RAB10: variants seen among roughly 807,000 people sequenced by gnomAD.
The protein encoded by RAB10 is RAB10, member RAS oncogene family, also known as ras-related protein Rab-10.
Under a neutral mutation model 25.7 loss-of-function variants are expected in RAB10, and 5 were observed. The ratio of observed to expected loss-of-function variants is 0.19; its 90% CI spans 0.10 to 0.41. RAB10 has a LOEUF of 0.41. Among genes scored for constraint, RAB10 ranks in the 10% least tolerant of loss-of-function variants. The pLI, the probability that RAB10 is intolerant of heterozygous loss-of-function variation, is 1.00. For missense variants in RAB10, 103 were observed against 245.8 expected, an observed-to-expected ratio of 0.42 and a Z score of 3.89; for synonymous variants, 89 against 86.4, an observed-to-expected ratio of 1.03 and a Z score of -0.16.
intron 1 of RAB10, among the ~76,000 whole-genome samples, chr2:26,072,926 T>C (rs762284974): frequency 2.6e-5 from 4 of 152,230 alleles, no homozygotes; most frequent in Non-Finnish European, 4.4e-5. Context: ...TATGAATTTA[T>C]AGAACCTACA....
chr2:26,071,907 G>A (rs557980385), intron 1 of RAB10, among the ~76,000 whole-genome samples: 149 of 152,158 alleles, frequency 9.8e-4, no homozygotes, highest in African/African-American at 3.4e-3. Context: ...GAAAACTTGT[G>A]TCTGCTGCTG....
At chr2:26,100,171 GC>G (rs1209627994) in intron 2 of RAB10, among the ~76,000 whole-genome samples, 1 of 152,140 alleles carries the variant, frequency 6.6e-6, no homozygotes, top group East Asian at 1.9e-4. Flanking sequence ...ACACACATAT[GC>G]CCAAGTCTAA....
chr2:26,110,332 C>T (rs1228025000), intron 3 of RAB10, among the ~76,000 whole-genome samples: 8 of 100,048 alleles, frequency 8.0e-5, no homozygotes, highest in African/African-American at 3.0e-4. Context: ...AGCAAGACTC[C>T]GTCTCCAAAA....
At chr2:26,074,996 T>C (rs530360529) in intron 1 of RAB10, among the ~76,000 whole-genome samples, 12 of 152,254 alleles carry the variant, frequency 7.9e-5, no homozygotes, top group African/African-American at 2.6e-4. Flanking sequence ...GGACAGAAAC[T>C]TGGGAAAGGT....
At chr2:26,116,444 G>T (rs1213582625) in intron 3 of RAB10, among the ~76,000 whole-genome samples, 2 of 151,820 alleles carry the variant, frequency 1.3e-5, no homozygotes, top group African/African-American at 4.8e-5. Flanking sequence ...AGGGCTGGCT[G>T]CAGGACTTGA....
At chr2:26,092,313 G>T (rs11903561) in intron 1 of RAB10, among the ~76,000 whole-genome samples, 7 of 47,152 alleles carry the variant, frequency 1.5e-4, no homozygotes, top group African/African-American at 5.3e-4. Flanking sequence ...GTGTGTGTGT[G>T]TGTGTGTGTT....
intron 2 of RAB10, among the ~76,000 whole-genome samples, chr2:26,104,894 C>T (rs755967447): frequency 1.3e-5 from 2 of 151,906 alleles, no homozygotes; most frequent in African/African-American, 2.4e-5. Flanking sequence ...CCCACCACCA[C>T]GCCCGGCTAA....
At position 26,136,804 on chromosome 2, in the gene RAB10, T is replaced by C. The variant is rs1007936789; in HGVS notation, c.*1783T>C. 2.0e-5 allele frequency: 3 copies of C among 152,552 alleles called. No homozygotes were observed. In the East Asian group the frequency reaches 5.8e-4, roughly 29 times the overall value. The allele number at this position is 152,552 out of a possible 1,614,324, so 9.4% of individuals were successfully genotyped here. A position where few individuals can be genotyped will look rare whatever the true frequency, so the allele number is the denominator to read the frequency against. On this transcript the variant is annotated 3_prime_UTR_variant, in exon 6 of 6. Transcript: ENST00000264710. ...TTTTCAGATAGTGCCCTAAAAACAATTTTATATGCCTCACTGGTTGTTATT... is the reference window on the plus strand; with the variant it reads ...TTTTCAGATAGTGCCCTAAAAACAACTTTATATGCCTCACTGGTTGTTATT...
chr2:26,064,315 A>G (rs1261207652), intron 1 of RAB10, among the ~76,000 whole-genome samples: 3 of 151,936 alleles, frequency 2.0e-5, no homozygotes, highest in African/African-American at 7.2e-5. Context: ...CTGTTTTTGA[A>G]AATAGTTTTT....
At chr2:26,076,196 C>T (rs1666729491) in intron 1 of RAB10, among the ~76,000 whole-genome samples, 1 of 103,572 alleles carries the variant, frequency 9.7e-6, no homozygotes, top group African/African-American at 3.3e-5. Context: ...AATGATAATA[C>T]CCACTGTAGG....
chr2:26,132,948 C>G (rs187390610), intron 5 of RAB10, among the ~76,000 whole-genome samples: 9 of 152,038 alleles, frequency 5.9e-5, no homozygotes, highest in Non-Finnish European at 8.8e-5. Flanking sequence ...GCCCCTTTTT[C>G]TTCTTTACAT....
At position 26,136,809 on chromosome 2, in the gene RAB10, T is replaced by C. The variant is rs1164795076; in HGVS notation, c.*1788T>C. On this transcript the variant is annotated 3_prime_UTR_variant, in exon 6 of 6. Transcript: ENST00000264710. ...AGATAGTGCCCTAAAAACAATTTTA[T>C]ATGCCTCACTGGTTGTTATTCTTAG... is the stretch of plus-strand genomic sequence containing the variant. The C allele has an allele frequency of 6.6e-6, 1 of 152,614 alleles. No individual in the cohort carries two copies. The highest frequency in any genetic ancestry group is 1.9e-4 in the East Asian group (1 of 5,206). 9.5% of individuals were successfully genotyped at this position (152,614 alleles called of 1,614,324 possible).
chr2:26,054,210 C>T (rs569010168), intron 1 of RAB10, among the ~76,000 whole-genome samples: 51 of 151,546 alleles, frequency 3.4e-4, no homozygotes, highest in Non-Finnish European at 5.0e-4. Context: ...GCCACGCCCA[C>T]CTAATTTTTT....
intron 1 of RAB10, among the ~76,000 whole-genome samples, chr2:26,041,064 A>G (rs2149261001): frequency 6.6e-6 from 1 of 152,084 alleles, no homozygotes; most frequent in Non-Finnish European, 1.5e-5. Context: ...TGTGTGCTAA[A>G]CACCTGGAAG....
rs1158724958 is a variant in RAB10 at position 26,109,750 on chromosome 2, A to G, written c.189-18A>G. On this transcript the variant is annotated intron_variant, in intron 2 of 5. Coordinates refer to ENST00000264710, the MANE Select transcript of RAB10 (RefSeq NM_016131.5). ...AATATCAAAATGCTTAATAGAAATTATTGGCTGTTTATTTCAGGGATACAG... is the reference window on the plus strand; with the variant it reads ...AATATCAAAATGCTTAATAGAAATTGTTGGCTGTTTATTTCAGGGATACAG... 5.8e-6 allele frequency: 9 copies of G among 1,539,028 alleles called. No homozygotes were observed. The highest frequency in any genetic ancestry group is 7.8e-6 in the Non-Finnish European group (9 of 1,150,286).
intron 3 of RAB10, among the ~76,000 whole-genome samples, chr2:26,119,521 T>G (rs1328827954): frequency 6.6e-6 from 1 of 152,128 alleles, no homozygotes; most frequent in African/African-American, 2.4e-5. Context: ...GGTCTTAGCT[T>G]TGCTTTTTTT....
chr2:26,033,525 G>A (rs1204783782), upstream of RAB10, among the ~76,000 whole-genome samples: 1 of 152,274 alleles, frequency 6.6e-6, no homozygotes, highest in African/African-American at 2.4e-5. Context: ...GCTGGCCCTG[G>A]AGAGGGGGCA....
chr2:26,114,737 C>CAAAAAAAAAAAAAAAAAAAAAAAA (rs58252306), intron 3 of RAB10, among the ~76,000 whole-genome samples: 14 of 66,042 alleles, frequency 2.1e-4, no homozygotes, highest in African/African-American at 7.1e-4. Flanking sequence ...CAAAAATATA[C>CAAAAAAAAAAAAAAAAAAAAAAAA]AAAAAAAAAA....
intron 3 of RAB10, among the ~76,000 whole-genome samples, chr2:26,111,330 C>T (rs1411378414): frequency 3.3e-5 from 5 of 152,056 alleles, no homozygotes; most frequent in African/African-American, 7.2e-5. Context: ...CTTGGCTGGG[C>T]GCGGTGGCTC....
Sources: gnomAD v4.1 joint callset for allele counts (sites outside exome capture counted in the v4.1 genomes callset) on GRCh38, gnomAD v4.1.1 for gene constraint, MANE v1.5 for transcripts, NCBI Gene and HGNC (gene_info 2026-07-23, HGNC 2026-07-21) for gene names.